The following PKDREJ variants were observed in gnomAD, a reference collection of about 807,000 sequenced individuals.
PKDREJ encodes polycystin family receptor for egg jelly.
For missense variants in PKDREJ, 2,507 were observed against 2,807.2 expected (o/e 0.89, Z 2.42); for synonymous variants, 1,031 against 1,095.5 (o/e 0.94, Z 1.16).
In PKDREJ at chr22:46,261,745, AG is replaced by A. The variant is rs1309802995; in HGVS notation, c.1577del (p.Ala526ValfsTer16). 6.2e-7 allele frequency: 1 copy of A among 1,614,066 alleles called. No homozygotes were observed. The highest frequency in any genetic ancestry group is 1.1e-5 in the South Asian group (1 of 91,076). On this transcript the variant is annotated frameshift_variant, in exon 1 of 1. Coordinates refer to ENST00000253255, the MANE Select transcript of PKDREJ (RefSeq NM_006071.2). LOFTEE classifies it low-confidence loss of function (END_TRUNC). This position sits in a 1 kb window ranked among gnomAD's most constrained non-coding sequence, Gnocchi z 7.1. The stretch of plus-strand genomic sequence containing the variant: ...ACTCAGCTTCCAAAAAATGCCGAAA[AG>A]CAAAAGCTTTTATAGACAGATAAGC... ...NGAYLSIKAF[A>X]FRHFLEAEFS...
chr22:46,262,904 G>T lies in PKDREJ; in HGVS notation c.419C>A (p.Ala140Asp). Residue 140 changes from alanine (A) to aspartate (D), a missense_variant, in exon 1 of 1, where the codon GCC becomes GAC. Ala to Asp is a moderately radical substitution (Grantham distance 126). Coordinates refer to ENST00000253255, the MANE Select transcript of PKDREJ (RefSeq NM_006071.2). This position sits in a 1 kb window ranked among gnomAD's most constrained non-coding sequence, Gnocchi z 8.1. Reference protein sequence around the residue: ...VRLPRSPGRLAWAFRLRLLGP... With the variant: ...VRLPRSPGRLDWAFRLRLLGP... Reference sequence around the variant, plus strand: ...GAGCAGCCGCAGGCGGAAGGCCCAGGCCAGGCGCCCGGGCGAGCGCGGCAG... The same window carrying T: ...GAGCAGCCGCAGGCGGAAGGCCCAGTCCAGGCGCCCGGGCGAGCGCGGCAG... 9.3e-7 allele frequency: 1 copy of T among 1,070,240 alleles called. No individual in the cohort carries two copies. The highest frequency in any genetic ancestry group is 1.1e-6 in the Non-Finnish European group (1 of 886,374). 66.3% of individuals were successfully genotyped at this position (1,070,240 alleles called of 1,614,324 possible). A position where few individuals can be genotyped will look rare whatever the true frequency, so the allele number is the denominator to read the frequency against.
Position 46,260,830 on chromosome 22 carries a change from G to C in PKDREJ, c.2493C>G (p.Phe831Leu). The C allele has an allele frequency of 6.2e-7, 1 of 1,614,054 alleles. No homozygotes were observed. The highest frequency in any genetic ancestry group is 1.3e-5 in the African/African-American group (1 of 75,042). Residue 831 changes from phenylalanine to leucine, a missense_variant, in exon 1 of 1, where the codon TTC (phenylalanine) becomes TTG (leucine). Coordinates refer to ENST00000253255, the MANE Select transcript of PKDREJ (RefSeq NM_006071.2). The surrounding 1 kb of genome is among the most constrained non-coding windows in gnomAD (Gnocchi z 4.5). ...TSPHQVVKDP[F>L]YVIESLSDTI... ...TGTCTGATAGAGATTCTATTACATA[G>C]AAAGGATCTTTAACTACTTGGTGAG...
In PKDREJ at chr22:46,258,014, G is replaced by A. The variant is rs2147774050; in HGVS notation, c.5309C>T (p.Pro1770Leu). 6.2e-7 allele frequency: 1 copy of A among 1,614,014 alleles called. No individual in the cohort carries two copies. Among genetic ancestry groups the A allele is most frequent in the Non-Finnish European group, 8.5e-7 (1 of 1,179,966 alleles). ...TGGATTCAGGTCATTGTGTAACAAA[G>A]GCAACAGCACGCTGTTTAGCCATCT... The part of the protein sequence containing the change: ...IYRWLNSVLL[P>L]LLHNDLNPTF... Residue 1770 changes from proline to leucine, a missense_variant, in exon 1 of 1, where the codon CCT becomes CTT. Pro to Leu is a moderately conservative substitution (Grantham distance 98). Transcript: ENST00000253255. This position sits in a 1 kb window ranked among gnomAD's most constrained non-coding sequence, Gnocchi z 6.1.
chr22:46,257,179 G>A lies in PKDREJ; in HGVS notation c.6144C>T (p.His2048=). The part of the protein sequence containing the change: ...IPFHAVSQVD[H]IMRIILGFLL... Reference sequence around the variant, plus strand: ...GGAAACCCAAAATTATCCTCATAATGTGATCTACCTGAGAAACTGCATGAA... The same window carrying A: ...GGAAACCCAAAATTATCCTCATAATATGATCTACCTGAGAAACTGCATGAA... The change falls in exon 1 of 1, where the codon CAC becomes CAT. Residue 2048 remains histidine (H), a synonymous_variant. Coordinates refer to ENST00000253255, the MANE Select transcript of PKDREJ (RefSeq NM_006071.2). The surrounding 1 kb of genome is among the most constrained non-coding windows in gnomAD (Gnocchi z 4.7). 1.2e-6 allele frequency: 2 copies of A among 1,613,972 alleles called. No homozygotes were observed. Among genetic ancestry groups the A allele is most frequent in the Non-Finnish European group, 8.5e-7 (1 of 1,180,010 alleles).
In PKDREJ at chr22:46,256,414, G is replaced by A; in HGVS notation, c.*147C>T. ...ACTCCCAAGAGCAGAGGACAAGATT[G>A]GGGATTCTTCCAAATGTAGGGGATG... On this transcript the variant is annotated 3_prime_UTR_variant, in exon 1 of 1. Transcript: ENST00000253255. This position sits in a 1 kb window ranked among gnomAD's most constrained non-coding sequence, Gnocchi z 5.3. 7.3e-7 allele frequency: 1 copy of A among 1,372,368 alleles called. No homozygotes were observed. The highest frequency in any genetic ancestry group is 9.8e-7 in the Non-Finnish European group (1 of 1,020,390). The allele number at this position is 1,372,368 out of a possible 1,614,324, so 85.0% of individuals were successfully genotyped here. A position where few individuals can be genotyped will look rare whatever the true frequency, so the allele number is the denominator to read the frequency against.
Position 46,256,499 on chromosome 22 carries a change from T to C in PKDREJ, c.*62A>G. 1.9e-6 allele frequency: 3 copies of C among 1,553,086 alleles called. No individual in the cohort carries two copies. The highest frequency in any genetic ancestry group is 2.6e-6 in the Non-Finnish European group (3 of 1,156,508). On this transcript the variant is annotated 3_prime_UTR_variant, in exon 1 of 1. Coordinates refer to ENST00000253255, the MANE Select transcript of PKDREJ (RefSeq NM_006071.2). The surrounding 1 kb of genome is among the most constrained non-coding windows in gnomAD (Gnocchi z 5.3). The stretch of plus-strand genomic sequence containing the variant: ...AGGCCACTGACACTCCCTAATCCCC[T>C]TAATCCCACAGACTCAGCAGTTGGG...
Position 46,261,888 on chromosome 22 carries a change from A to G in PKDREJ, c.1435T>C (p.Phe479Leu), listed in dbSNP as rs746004942. 1.2e-6 allele frequency: 2 copies of G among 1,613,996 alleles called. No homozygotes were observed. Among genetic ancestry groups the G allele is most frequent in the Admixed American group, 3.3e-5 (2 of 60,010 alleles). Residue 479 changes from phenylalanine (F) to leucine (L), a missense_variant, in exon 1 of 1, where the codon TTC becomes CTC. Coordinates refer to ENST00000253255, the MANE Select transcript of PKDREJ (RefSeq NM_006071.2). The surrounding 1 kb of genome is among the most constrained non-coding windows in gnomAD (Gnocchi z 7.1). ...NFIVSDRFSL[F>L]LNCTNCASRD... ...CTTGCACAATTTGTGCAATTTAGGA[A>G]CAAAGAAAATCTATCAGAGACAATG...
rs192682820 is a variant in PKDREJ, at chr22:46,256,995, C to T, written c.6328G>A (p.Val2110Met). The change falls in exon 1 of 1, where the codon GTG becomes ATG. Residue 2110 changes from valine to methionine, a missense_variant. Val to Met is a conservative substitution (Grantham distance 21). Coordinates refer to ENST00000253255, the MANE Select transcript of PKDREJ (RefSeq NM_006071.2). This position sits in a 1 kb window ranked among gnomAD's most constrained non-coding sequence, Gnocchi z 5.3. ...FFVYMAFGYL[V>M]FGQHEWNYSN... is the part of the protein sequence containing the mutation. Reference sequence around the variant, plus strand: ...TAGTTCCATTCATGCTGACCAAACACCAGGTAACCAAAAGCCATGTATACG... The same window carrying T: ...TAGTTCCATTCATGCTGACCAAACATCAGGTAACCAAAAGCCATGTATACG... The T allele has an allele frequency of 3.7e-6, 6 of 1,613,848 alleles. No homozygotes were observed. Among genetic ancestry groups the T allele is most frequent in the Non-Finnish European group, 5.1e-6 (6 of 1,180,014 alleles).
Position 46,263,116 on chromosome 22 carries a change from A to T in PKDREJ, c.207T>A (p.Ala69=). The T allele has an allele frequency of 8.0e-7, 1 of 1,245,274 alleles. No homozygotes were observed. The highest frequency in any genetic ancestry group is 1.0e-6 in the Non-Finnish European group (1 of 993,396). The allele number at this position is 1,245,274 out of a possible 1,614,324, so 77.1% of individuals were successfully genotyped here. ...AGAGGCTGCCGCGGCCGCTCAGGACAGCGCCGCCCGCCCGCACCGCGCTGG... is the reference window on the plus strand; with the variant it reads ...AGAGGCTGCCGCGGCCGCTCAGGACTGCGCCGCCCGCCCGCACCGCGCTGG... ...LRPSAVRAGG[A]VLSGRGSLCF... is the part of the protein sequence containing the mutation. Residue 69 remains alanine, a synonymous_variant, in exon 1 of 1, where the codon GCT becomes GCA. Transcript: ENST00000253255. The surrounding 1 kb of genome is among the most constrained non-coding windows in gnomAD (Gnocchi z 9.4).
At position 46,262,439 on chromosome 22, in the gene PKDREJ, T is replaced by C. The variant is rs2147777028; in HGVS notation, c.884A>G (p.Asn295Ser). The C allele has an allele frequency of 1.2e-6, 2 of 1,608,084 alleles. No individual in the cohort carries two copies. Among genetic ancestry groups the C allele is most frequent in the Non-Finnish European group, 1.7e-6 (2 of 1,176,248 alleles). Residue 295 changes from asparagine to serine, a missense_variant, in exon 1 of 1, where the codon AAT becomes AGT. Coordinates refer to ENST00000253255, the MANE Select transcript of PKDREJ (RefSeq NM_006071.2). The surrounding 1 kb of genome is among the most constrained non-coding windows in gnomAD (Gnocchi z 8.1). ...RNSPLFIHIP[N>S]NSLQWGVYVF... Reference sequence around the variant, plus strand: ...ATACACTCCCCACTGTAACGAATTATTGGGGATGTGAATGAACAAGGGGCT... The same window carrying C: ...ATACACTCCCCACTGTAACGAATTACTGGGGATGTGAATGAACAAGGGGCT...
Position 46,258,973 on chromosome 22 carries a change from A to G in PKDREJ, c.4350T>C (p.Cys1450=). The G allele has an allele frequency of 1.9e-6, 3 of 1,614,204 alleles. No homozygotes were observed. In the East Asian group the frequency reaches 6.7e-5, roughly 36 times the overall value. ...VQLLITFLFT[C]SQRKPQADLK... ...GATCCGCTTGAGGTTTCCTCTGGGA[A>G]CAGGTGAACAAAAAAGTTATTAATA... The change falls in exon 1 of 1, where the codon TGT becomes TGC. Residue 1450 remains cysteine, a synonymous_variant. Transcript: ENST00000253255. The surrounding 1 kb of genome is among the most constrained non-coding windows in gnomAD (Gnocchi z 6.1).
At position 46,263,128 on chromosome 22, in the gene PKDREJ, C is replaced by CCGCA; in HGVS notation, c.191_194dup (p.Ala69ArgfsTer229). 2 of 1,234,014 alleles carry CCGCA rather than the reference C, an allele frequency of 1.6e-6. No individual in the cohort carries two copies. Among genetic ancestry groups the CCGCA allele is most frequent in the Non-Finnish European group, 2.0e-6 (2 of 989,376 alleles). 76.4% of individuals were successfully genotyped at this position (1,234,014 alleles called of 1,614,324 possible). On this transcript the variant is annotated frameshift_variant, in exon 1 of 1. Coordinates refer to ENST00000253255, the MANE Select transcript of PKDREJ (RefSeq NM_006071.2). LOFTEE classifies it low-confidence loss of function (END_TRUNC). The surrounding 1 kb of genome is among the most constrained non-coding windows in gnomAD (Gnocchi z 9.4). ...GGCCGCTCAGGACAGCGCCGCCCGC[C>CCGCA]CGCACCGCGCTGGGCCGCAGACTGA...
At position 46,258,741 on chromosome 22, in the gene PKDREJ, T is replaced by C; in HGVS notation, c.4582A>G (p.Ile1528Val). ...KPKHRHRKAQ[I>V]KTPETLGPNT... ...GGCCCGAGGGTCTCCGGGGTCTTGA[T>C]TTGTGCTTTCCTATGCCTGTGCTTG... Residue 1528 changes from isoleucine to valine, a missense_variant, in exon 1 of 1, where the codon ATC (isoleucine) becomes GTC (valine). By Grantham distance (29) the Ile-to-Val change is conservative. Coordinates refer to ENST00000253255, the MANE Select transcript of PKDREJ (RefSeq NM_006071.2). This position sits in a 1 kb window ranked among gnomAD's most constrained non-coding sequence, Gnocchi z 6.1. 6.2e-7 allele frequency: 1 copy of C among 1,614,196 alleles called. No homozygotes were observed. The highest frequency in any genetic ancestry group is 8.5e-7 in the Non-Finnish European group (1 of 1,180,036).
Position 46,262,222 on chromosome 22 carries a change from G to A in PKDREJ, c.1101C>T (p.Asp367=). The A allele has an allele frequency of 6.2e-7, 1 of 1,614,202 alleles. No homozygotes were observed. The highest frequency in any genetic ancestry group is 1.1e-5 in the South Asian group (1 of 91,084). The part of the protein sequence containing the change: ...DGSTSSDPDA[D]SPLQGLQFFW... ...AGAACTGGAGTCCCTGTAACGGGCT[G>A]TCCGCATCTGGGTCCGAGGACGTGG... is the stretch of plus-strand genomic sequence containing the variant. The change falls in exon 1 of 1, where the codon GAC becomes GAT. Residue 367 remains aspartate, a synonymous_variant. Coordinates refer to ENST00000253255, the MANE Select transcript of PKDREJ (RefSeq NM_006071.2). This position sits in a 1 kb window ranked among gnomAD's most constrained non-coding sequence, Gnocchi z 8.1.
chr22:46,257,846 T>C lies in PKDREJ; in HGVS notation c.5477A>G (p.Lys1826Arg). 6.2e-7 allele frequency: 1 copy of C among 1,614,190 alleles called. No homozygotes were observed. The highest frequency in any genetic ancestry group is 8.5e-7 in the Non-Finnish European group (1 of 1,180,038). Reference sequence around the variant, plus strand: ...TGTGTCTTCTGGGTCAATGCCATATTTGGGGTGACAATGAATTTCTCTTCT... The same window carrying C: ...TGTGTCTTCTGGGTCAATGCCATATCTGGGGTGACAATGAATTTCTCTTCT... The part of the protein sequence containing the change: ...SIRREIHCHP[K>R]YGIDPEDTKN... Residue 1826 changes from lysine (K) to arginine (R), a missense_variant, in exon 1 of 1, where the codon AAA becomes AGA. By Grantham distance (26) the Lys-to-Arg change is conservative (BLOSUM62 2). Transcript: ENST00000253255. The surrounding 1 kb of genome is among the most constrained non-coding windows in gnomAD (Gnocchi z 4.7).
rs775595205 is a variant in PKDREJ at position 46,257,863 on chromosome 22, T to G, written c.5460A>C (p.Glu1820Asp). 6.2e-7 allele frequency: 1 copy of G among 1,614,084 alleles called. No homozygotes were observed. Among genetic ancestry groups the G allele is most frequent in the African/African-American group, 1.3e-5 (1 of 74,936 alleles). ...TGCCATATTTGGGGTGACAATGAAT[T>G]TCTCTTCTGATGCTGTTTTGCACAA... is the stretch of plus-strand genomic sequence containing the variant. The part of the protein sequence containing the change: ...EKFVQNSIRR[E>D]IHCHPKYGID... Residue 1820 changes from glutamate to aspartate, a missense_variant, in exon 1 of 1, where the codon GAA becomes GAC. Transcript: ENST00000253255. This position sits in a 1 kb window ranked among gnomAD's most constrained non-coding sequence, Gnocchi z 4.7.
Position 46,258,599 on chromosome 22 carries a change from C to T in PKDREJ, c.4724G>A (p.Trp1575Ter). The stretch of plus-strand genomic sequence containing the variant: ...CAAAAACCATGCAACATAAACACAC[C>T]ACCAAGGTAGGACGATCCGGGGCTT... ...KKKPRIVLPW[W>*]CVYVAWFLVF... The change falls in exon 1 of 1, where the codon TGG (tryptophan) becomes TAG (stop). Residue 1575 changes from tryptophan (W) to a stop codon, truncating the protein, a stop_gained. Transcript: ENST00000253255. LOFTEE classifies it low-confidence loss of function (END_TRUNC). This position sits in a 1 kb window ranked among gnomAD's most constrained non-coding sequence, Gnocchi z 6.1. 1 of 1,614,194 alleles carries T rather than the reference C, an allele frequency of 6.2e-7. No individual in the cohort carries two copies. Among genetic ancestry groups the T allele is most frequent in the Non-Finnish European group, 8.5e-7 (1 of 1,180,046 alleles).
In PKDREJ at chr22:46,257,184, C is replaced by G; in HGVS notation, c.6139G>C (p.Asp2047His). The change falls in exon 1 of 1, where the codon GAT becomes CAT. Residue 2047 changes from aspartate to histidine, a missense_variant. Asp to His is a moderately conservative substitution (Grantham distance 81, BLOSUM62 -1). Transcript: ENST00000253255. This position sits in a 1 kb window ranked among gnomAD's most constrained non-coding sequence, Gnocchi z 4.7. ...CCCAAAATTATCCTCATAATGTGAT[C>G]TACCTGAGAAACTGCATGAAAGGGA... is the stretch of plus-strand genomic sequence containing the variant. ...FIPFHAVSQV[D>H]HIMRIILGFL... 1 of 1,613,936 alleles carries G rather than the reference C, an allele frequency of 6.2e-7. No individual in the cohort carries two copies. The highest frequency in any genetic ancestry group is 2.2e-5 in the East Asian group (1 of 44,886).
In PKDREJ at chr22:46,258,820, T is replaced by C. The variant is rs747346918; in HGVS notation, c.4503A>G (p.Ala1501=). 1.9e-6 allele frequency: 3 copies of C among 1,614,222 alleles called. No homozygotes were observed. Among genetic ancestry groups the C allele is most frequent in the Admixed American group, 3.3e-5 (2 of 60,026 alleles). Residue 1501 remains alanine, a synonymous_variant, in exon 1 of 1, where the codon GCA becomes GCG. Transcript: ENST00000253255. The surrounding 1 kb of genome is among the most constrained non-coding windows in gnomAD (Gnocchi z 6.1). ...KVHPREVAKP[A]SKGKPRLPKA... The stretch of plus-strand genomic sequence containing the variant: ...TTGGAAGCCTGGGCTTTCCTTTAGA[T>C]GCAGGTTTTGCAACCTCCCTGGGGT...
Sources: allele counts gnomAD v4.1 joint callset, GRCh38; gene constraint gnomAD v4.1.1; non-coding constraint Gnocchi (gnomAD v3.1); transcripts MANE v1.5; gene names NCBI Gene and HGNC (gene_info 2026-07-23, HGNC 2026-07-21).